KDM2B: variants seen among roughly 807,000 people sequenced by gnomAD.
KDM2B encodes the protein lysine demethylase 2B.
A neutral mutation model predicts 150.0 loss-of-function variants in KDM2B; 26 were observed. That is an observed-to-expected ratio of 0.17 (90% CI 0.13 to 0.24). The LOEUF (loss-of-function observed/expected upper bound fraction) is 0.24. Ranked by LOEUF, KDM2B falls within the 10% of genes least tolerant of loss-of-function variation. KDM2B has a pLI of 1.00. For missense variants in KDM2B, 1,265 were observed against 1,816.9 expected (o/e 0.70, Z 5.52); for synonymous variants, 734 against 729.5 (o/e 1.01, Z -0.10).
intron 11 of KDM2B, among the ~76,000 whole-genome samples, chr12:121,506,587 AAGTC>A (rs1465986907): frequency 1.3e-5 from 2 of 151,932 alleles, no homozygotes; most frequent in Admixed American, 1.3e-4. Context: ...GCGGATCACA[AAGTC>A]AGGGGATCAA....
chr12:121,464,367 A>C (rs781971934), intron 12 of KDM2B, among the ~76,000 whole-genome samples: 4 of 152,248 alleles, frequency 2.6e-5, no homozygotes, highest in Admixed American at 6.5e-5. Flanking sequence ...CTGTGGGAGA[A>C]GTTCCCGCCA....
chr12:121,483,028 T>TG (rs1293032720), intron 12 of KDM2B, among the ~76,000 whole-genome samples: 32 of 151,898 alleles, frequency 2.1e-4, no homozygotes, highest in Admixed American at 1.4e-3. Context: ...CTGGGCGTGG[T>TG]GGGGGGCGCC....
chr12:121,429,189 T>G lies in KDM2B; in HGVS notation c.*1099A>C, dbSNP rs1388652402. The G allele has an allele frequency of 2.0e-5, 3 of 152,788 alleles. No individual in the cohort carries two copies. Among genetic ancestry groups the G allele is most frequent in the East Asian group, 1.9e-4 (1 of 5,192 alleles). 9.5% of individuals were successfully genotyped at this position (152,788 alleles called of 1,614,324 possible). A position where few individuals can be genotyped will look rare whatever the true frequency, so the allele number is the denominator to read the frequency against. ...CTCAAAGTTCAAGAGTGGTTTTTTT[T>G]GTACAATTGTTTATACAAATTCAAC... On this transcript the variant is annotated 3_prime_UTR_variant, in exon 23 of 23. Transcript: ENST00000377071.
At chr12:121,473,596 G>C (rs1379409564) in intron 12 of KDM2B, among the ~76,000 whole-genome samples, 1 of 151,576 alleles carries the variant, frequency 6.6e-6, no homozygotes, top group African/African-American at 2.4e-5. Context: ...GCACACGCCT[G>C]TAATCCCAGC....
rs1555288583 is a variant in KDM2B, at chr12:121,442,343, G to A, written c.3098C>T (p.Pro1033Leu). The A allele has an allele frequency of 1.3e-6, 2 of 1,597,512 alleles. No individual in the cohort carries two copies. The highest frequency in any genetic ancestry group is 1.7e-6 in the Non-Finnish European group (2 of 1,170,554). The change falls in exon 19 of 23, where the codon CCC (proline) becomes CTC (leucine). Residue 1033 changes from proline to leucine, a missense_variant. Physicochemically the swap from Pro to Leu is moderately conservative, Grantham distance 98. Around this residue, in one of 11 missense-constraint regions of KDM2B, gnomAD observed 418 missense variants for 402.4 expected, o/e 1.04. Coordinates refer to ENST00000377071, the MANE Select transcript of KDM2B (RefSeq NM_032590.5). The surrounding 1 kb of genome is among the most constrained non-coding windows in gnomAD (Gnocchi z 7.7). ...ATGGCGCTCCATCTGGATACACTTGGGCGGGGACACGGAGGGTGGGGGCCG... is the reference window on the plus strand; with the variant it reads ...ATGGCGCTCCATCTGGATACACTTGAGCGGGGACACGGAGGGTGGGGGCCG... Reference protein sequence around the residue: ...ISRPPPSVSPPKCIQMERHVI... With the variant: ...ISRPPPSVSPLKCIQMERHVI...
At chr12:121,557,897 C>A (rs1184589584) in intron 4 of KDM2B, among the ~76,000 whole-genome samples, 1 of 152,200 alleles carries the variant, frequency 6.6e-6, no homozygotes, top group Non-Finnish European at 1.5e-5. Flanking sequence ...CATATTTACA[C>A]AGGGGAGGGC....
Position 121,467,462 on chromosome 12 carries a change from G to A in KDM2B, c.1735-14118C>T, listed in dbSNP as rs1880213497. The A allele has an allele frequency of 1.6e-6, 1 of 606,482 alleles. No individual in the cohort carries two copies. The highest frequency in any genetic ancestry group is 8.3e-4 in the Middle Eastern group (1 of 1,210). The allele number at this position is 606,482 out of a possible 1,614,324, so 37.6% of individuals were successfully genotyped here. A position where few individuals can be genotyped will look rare whatever the true frequency, so the allele number is the denominator to read the frequency against. On this transcript the variant is annotated intron_variant, in intron 12 of 22. Transcript: ENST00000377071. This position sits in a 1 kb window ranked among gnomAD's most constrained non-coding sequence, Gnocchi z 5.1. ...CGAGCCAGGAAGGGGCTGGCCCCCC[G>A]GGCGGGCGGGCCAATGGCGCGGCCG...
chr12:121,444,703 C>T (rs551004956), intron 14 of KDM2B, 167 bp from the exon 15 acceptor site: 8 of 648,830 alleles, frequency 1.2e-5, no homozygotes, highest in East Asian at 2.7e-5. Flanking sequence ...CTGGCAGAGA[C>T]GGGCAGCTGT....
In KDM2B at chr12:121,436,304, G is replaced by A. The variant is rs181822755; in HGVS notation, c.3829+3553C>T. ...TGGGAGGCCGAGGCGGGCGGATCAC[G>A]AGGTCAGGAGATCGAAACCATCCTG... On this transcript the variant is annotated intron_variant, in intron 22 of 22. Transcript: ENST00000377071. 3.3e-3 allele frequency among the ~76,000 whole-genome samples: 504 copies of A among 152,212 alleles called. 1 individual carries two copies. Among genetic ancestry groups the A allele is most frequent in the Non-Finnish European group, 6.3e-3 (425 of 67,994 alleles).
upstream of KDM2B, among the ~76,000 whole-genome samples, chr12:121,581,605 A>G (rs970538138): frequency 5.9e-5 from 9 of 152,230 alleles, no homozygotes; most frequent in Admixed American, 3.9e-4. Context: ...ATAAAATGAC[A>G]TGGCAAGAGG....
chr12:121,444,111 C>T lies in KDM2B; in HGVS notation c.2352G>A (p.Lys784=), dbSNP rs1555289424. 6.2e-7 allele frequency: 1 copy of T among 1,613,498 alleles called. No individual in the cohort carries two copies. The highest frequency in any genetic ancestry group is 1.3e-5 in the African/African-American group (1 of 74,956). Residue 784 remains lysine (K), a synonymous_variant, in exon 16 of 23, where the codon AAG becomes AAA. Transcript: ENST00000377071. The part of the protein sequence containing the change: ...PRRRSDEHSK[K]VPPDGLLRRK... ...TGCGCAGAAGGCCGTCCGGCGGCACCTTCTTCGAGTGCTCATCCGACCTGC... is the reference window on the plus strand; with the variant it reads ...TGCGCAGAAGGCCGTCCGGCGGCACTTTCTTCGAGTGCTCATCCGACCTGC...
At chr12:121,529,204 C>T (rs192226953) in intron 8 of KDM2B, among the ~76,000 whole-genome samples, 6 of 152,238 alleles carry the variant, frequency 3.9e-5, no homozygotes, top group Admixed American at 1.3e-4. Context: ...TGATACACCA[C>T]GTAAACAGAA....
chr12:121,417,464 G>A, the KDM2B span: 1 of 1,558,858 alleles, frequency 6.4e-7, no homozygotes, highest in East Asian at 2.2e-5. The surrounding 1 kb of genome is among the most constrained non-coding windows in gnomAD (Gnocchi z 5.0). Flanking sequence ...TTTCATAATG[G>A]TTTATATCTT....
chr12:121,420,095 T>G, the KDM2B span: 1 of 646,180 alleles, frequency 1.5e-6, no homozygotes. Flanking sequence ...GGGCCCAACT[T>G]TTTGGAAGGG....
chr12:121,549,868 C>G lies in KDM2B; in HGVS notation c.398-230G>C, dbSNP rs1889352447. Among the ~76,000 whole-genome samples the G allele has an allele frequency of 6.7e-6, 1 of 149,196 alleles. No homozygotes were observed. The highest frequency in any genetic ancestry group is 6.6e-5 in the Admixed American group (1 of 15,054). ...CCTCCACGCCAGTCTGCGATGACCT[C>G]AAAAGCTACCTAAAGGGGCCCAAGC... On this transcript the variant is annotated intron_variant, in intron 4 of 22. Transcript: ENST00000377071. This position sits in a 1 kb window ranked among gnomAD's most constrained non-coding sequence, Gnocchi z 4.4.
chr12:121,509,736 G>T lies in KDM2B; in HGVS notation c.1478C>A (p.Thr493Asn), dbSNP rs782646004. ...CTCCGTGGCGGGAGAGCCGGTGGGG[G>T]TCTTGGGGTAGTCTACGGCCAATGT... Reference protein sequence around the residue: ...STTLAVDYPKTPTGSPATEVS... With the variant: ...STTLAVDYPKNPTGSPATEVS... Residue 493 changes from threonine to asparagine, a missense_variant, in exon 11 of 23, where the codon ACC becomes AAC. Physicochemically the swap from Thr to Asn is moderately conservative, Grantham distance 65. This residue lies in a region of KDM2B where 154 missense variants were observed against 162.5 expected (regional missense o/e 0.95). Transcript: ENST00000377071. The T allele has an allele frequency of 1.9e-6, 3 of 1,614,164 alleles. No individual in the cohort carries two copies. In the East Asian group the frequency reaches 6.7e-5, roughly 36 times the overall value.
chr12:121,547,802 C>T lies in KDM2B; in HGVS notation c.683+1075G>A, dbSNP rs144084254. 4.1e-3 allele frequency among the ~76,000 whole-genome samples: 621 copies of T among 152,050 alleles called. 5 individuals carry two copies. The highest frequency in any genetic ancestry group is 0.014 in the African/African-American group (596 of 41,486). On this transcript the variant is annotated intron_variant, in intron 6 of 22. Coordinates refer to ENST00000377071, the MANE Select transcript of KDM2B (RefSeq NM_032590.5). ...GAATTACAGGCGTGCACCACCACAC[C>T]GGGTCAATTTTTGTATTTTTCGTAG...
chr12:121,534,848 T>C (rs562762764), intron 6 of KDM2B, among the ~76,000 whole-genome samples: 15 of 152,284 alleles, frequency 9.9e-5, no homozygotes, highest in African/African-American at 3.6e-4. Flanking sequence ...TTCAGGTTCT[T>C]GCGAGAAGTG....
chr12:121,415,284 C>A, the KDM2B span: 1 of 379,660 alleles, frequency 2.6e-6, no homozygotes, highest in Non-Finnish European at 5.7e-6. Flanking sequence ...TATATTATAC[C>A]CAATTACAAA....
Sources: allele counts gnomAD v4.1 joint callset (sites outside exome capture counted in the v4.1 genomes callset), GRCh38; gene constraint gnomAD v4.1.1; regional missense constraint gnomAD v4.1.1; non-coding constraint Gnocchi (gnomAD v3.1); transcripts MANE v1.5; gene names NCBI Gene and HGNC (gene_info 2026-07-23, HGNC 2026-07-21).